LDB2: variants seen among roughly 807,000 people sequenced by gnomAD.
LDB2 encodes the protein LIM domain-binding protein 2.
Under a neutral mutation model 44.3 loss-of-function variants are expected in LDB2, and 12 were observed. The ratio of observed to expected loss-of-function variants is 0.27; its 90% CI spans 0.17 to 0.44. The LOEUF is 0.44. LDB2 is among the 20% of genes least tolerant of loss of function. LDB2 has a pLI of 1.00. For missense variants in LDB2, 344 were observed against 473.5 expected (o/e 0.73, Z 2.54); for synonymous variants, 164 against 174.8 (o/e 0.94, Z 0.49).
At chr4:16,796,958 A>G (rs564590977) in intron 1 of LDB2, among the ~76,000 whole-genome samples, 3 of 152,328 alleles carry the variant, frequency 2.0e-5, no homozygotes, top group Non-Finnish European at 2.9e-5. Context: ...TTCCAAGCAA[A>G]AAGACCCTAT....
At chr4:16,681,400 T>TAAGAGCCCAACCCAGC (rs1403529993) in intron 2 of LDB2, among the ~76,000 whole-genome samples, 1 of 152,110 alleles carries the variant, frequency 6.6e-6, no homozygotes, top group Non-Finnish European at 1.5e-5. Flanking sequence ...ACCCTACAGA[T>TAAGAGCCCAACCCAGC]AAGAGCCCAA....
intron 1 of LDB2, among the ~76,000 whole-genome samples, chr4:16,871,523 G>A: frequency 6.6e-6 from 1 of 151,998 alleles, no homozygotes; most frequent in East Asian, 1.9e-4. Context: ...ACTGATGAAT[G>A]AATGAAGTTC....
intron 1 of LDB2, among the ~76,000 whole-genome samples, chr4:16,785,226 A>G (rs1774165262): frequency 6.6e-6 from 1 of 152,202 alleles, no homozygotes; most frequent in Non-Finnish European, 1.5e-5. Context: ...GTCTGTCAGC[A>G]TGATAAACAT....
intron 5 of LDB2, among the ~76,000 whole-genome samples, chr4:16,530,771 C>A (rs1242499902): frequency 6.6e-6 from 1 of 152,176 alleles, no homozygotes; most frequent in Non-Finnish European, 1.5e-5. Context: ...CCTGAGCCAA[C>A]ACACAGCCTC....
chr4:16,762,220 T>C (rs1316442085), intron 1 of LDB2, among the ~76,000 whole-genome samples: 3 of 152,040 alleles, frequency 2.0e-5, no homozygotes, highest in African/African-American at 4.8e-5. Flanking sequence ...CTTTATAAAA[T>C]AGTCTGTTTA....
chr4:16,544,808 G>T (rs1172927672), intron 5 of LDB2, among the ~76,000 whole-genome samples: 2 of 152,190 alleles, frequency 1.3e-5, no homozygotes, highest in Non-Finnish European at 1.5e-5. Flanking sequence ...GCAGTTGGTT[G>T]TATCAGGCTT....
At chr4:16,522,331 T>C (rs1726530893) in intron 5 of LDB2, among the ~76,000 whole-genome samples, 1 of 151,778 alleles carries the variant, frequency 6.6e-6, no homozygotes, top group South Asian at 2.1e-4. Context: ...TATCTGGGGG[T>C]TCCACGTCTG....
intron 5 of LDB2, among the ~76,000 whole-genome samples, chr4:16,553,996 ATC>A (rs1330794950): frequency 9.2e-5 from 14 of 151,518 alleles, no homozygotes; most frequent in Middle Eastern, 6.9e-3. Flanking sequence ...CATCCTCTAG[ATC>A]TCTCTCTCTT....
rs956598856 is a variant in LDB2, at chr4:16,843,117, T to G, written c.132+55237A>C. On this transcript the variant is annotated intron_variant, in intron 1 of 7. Coordinates refer to ENST00000304523, the MANE Select transcript of LDB2 (RefSeq NM_001290.5). Reference sequence around the variant, plus strand: ...GTATATACAAATCTGTACTCTGTGGTGTTTACTTAATACAGCATAAACACT... The same window carrying G: ...GTATATACAAATCTGTACTCTGTGGGGTTTACTTAATACAGCATAAACACT... Among the ~76,000 whole-genome samples the G allele has an allele frequency of 5.3e-5, 8 of 152,336 alleles. No individual in the cohort carries two copies. In the South Asian group the frequency reaches 1.7e-3, roughly 32 times the overall value.
chr4:16,855,773 C>A lies in LDB2; in HGVS notation c.132+42581G>T, dbSNP rs182360587. Among the ~76,000 whole-genome samples, 183 of 152,120 alleles carry A rather than the reference C, an allele frequency of 1.2e-3. 2 individuals are homozygous for A. Among genetic ancestry groups the A allele is most frequent in the African/African-American group, 4.2e-3 (173 of 41,520 alleles). On this transcript the variant is annotated intron_variant, in intron 1 of 7. Transcript: ENST00000304523. ...GAGTGTGATTTTTTTATTGTTGTTG[C>A]ATAATGAAATGTGTCAAATTTGGAA...
chr4:16,559,801 A>C (rs1410659578), intron 5 of LDB2, among the ~76,000 whole-genome samples: 1 of 152,182 alleles, frequency 6.6e-6, no homozygotes, highest in Non-Finnish European at 1.5e-5. Flanking sequence ...TCCAAAATTG[A>C]CCACATAGTT....
intron 2 of LDB2, among the ~76,000 whole-genome samples, chr4:16,714,668 A>G (rs973077554): frequency 6.6e-6 from 1 of 152,140 alleles, no homozygotes; most frequent in African/African-American, 2.4e-5. Context: ...ACAGTTGTAG[A>G]GGACAGAAAT....
intron 2 of LDB2, among the ~76,000 whole-genome samples, chr4:16,706,758 T>C (rs1754703352): frequency 6.6e-6 from 1 of 152,220 alleles, no homozygotes; most frequent in South Asian, 2.1e-4. Context: ...TAGCTGGCTG[T>C]ATTTTAAATT....
At chr4:16,632,173 A>C (rs1203074587) in intron 2 of LDB2, among the ~76,000 whole-genome samples, 3 of 152,234 alleles carry the variant, frequency 2.0e-5, no homozygotes, top group African/African-American at 7.2e-5. Context: ...ACATCAATGC[A>C]AAAATCCTCA....
intron 5 of LDB2, among the ~76,000 whole-genome samples, chr4:16,519,058 T>C (rs2152268324): frequency 6.6e-6 from 1 of 152,360 alleles, no homozygotes. Context: ...GTGTTTATAT[T>C]TGCATTAGAA....
At chr4:16,750,407 G>T (rs1455246852) in intron 2 of LDB2, among the ~76,000 whole-genome samples, 2 of 152,182 alleles carry the variant, frequency 1.3e-5, no homozygotes, top group African/African-American at 4.8e-5. Flanking sequence ...ACGGTAGAAG[G>T]CCTGCAATGC....
intron 5 of LDB2, among the ~76,000 whole-genome samples, chr4:16,527,493 A>C (rs1038144288): frequency 5.3e-5 from 8 of 152,256 alleles, no homozygotes; most frequent in African/African-American, 1.7e-4. Context: ...AATGTAAACT[A>C]GTAAAATCAC....
At chr4:16,627,054 A>T (rs1391986531) in intron 2 of LDB2, 1 of 152,208 alleles carries the variant, frequency 6.6e-6, no homozygotes, top group Admixed American at 6.5e-5. Context: ...TGGTGGGGCC[A>T]TATGAAGTAC....
At chr4:16,736,473 G>A (rs1226438782) in intron 2 of LDB2, among the ~76,000 whole-genome samples, 5 of 152,052 alleles carry the variant, frequency 3.3e-5, no homozygotes, top group African/African-American at 9.7e-5. Flanking sequence ...GTAACATTTC[G>A]GGAGCACTTT....
Sources: allele counts gnomAD v4.1 joint callset (sites outside exome capture counted in the v4.1 genomes callset), GRCh38; gene constraint gnomAD v4.1.1; transcripts MANE v1.5; gene names NCBI Gene and HGNC (gene_info 2026-07-23, HGNC 2026-07-21).